GALNT9: variants seen among roughly 807,000 people sequenced by gnomAD.
GALNT9 encodes the protein GalNAc transferase 9.
In GALNT9, 47 loss-of-function variants were observed where a neutral mutation model predicts 63.1. The ratio of observed to expected loss-of-function variants is 0.75; its 90% CI spans 0.59 to 0.95. GALNT9 has a LOEUF of 0.95. Among genes scored for constraint, GALNT9 ranks in the 40% least tolerant of loss-of-function variants. GALNT9 has a pLI of 0.00. For synonymous variants in GALNT9, 396 were observed against 365.7 expected (o/e 1.08, Z -0.94); for missense variants, 829 against 874.8 (o/e 0.95, Z 0.66).
At chr12:132,271,591 C>T (rs760333782) in intron 2 of GALNT9, among the ~76,000 whole-genome samples, 39 of 152,280 alleles carry the variant, frequency 2.6e-4, no homozygotes, top group East Asian at 3.9e-4. Context: ...GGTCTGCCCA[C>T]AAAACACTGG....
At position 132,265,626 on chromosome 12, in the gene GALNT9, C is replaced by T. The variant is rs1341168155; in HGVS notation, c.420-3001G>A. Among the ~76,000 whole-genome samples the T allele has an allele frequency of 6.6e-6, 1 of 152,176 alleles. No homozygotes were observed. The highest frequency in any genetic ancestry group is 1.9e-4 in the East Asian group (1 of 5,206). On this transcript the variant is annotated intron_variant, in intron 2 of 10. Coordinates refer to ENST00000328957, the MANE Select transcript of GALNT9 (RefSeq NM_001122636.2). This position sits in a 1 kb window ranked among gnomAD's most constrained non-coding sequence, Gnocchi z 5.3. The stretch of plus-strand genomic sequence containing the variant: ...GGTAAGCAGCCCCACAGGACACCAG[C>T]CGACAGCCGGATGCTTACAAGTTCC...
Position 132,210,914 on chromosome 12 carries a change from T to A in GALNT9, c.1078-7224A>T, listed in dbSNP as rs138520193. Among the ~76,000 whole-genome samples the A allele has an allele frequency of 1.9e-3, 295 of 151,660 alleles. 1 individual carries two copies. The highest frequency in any genetic ancestry group is 6.5e-3 in the African/African-American group (270 of 41,296). On this transcript the variant is annotated intron_variant, in intron 6 of 10. Transcript: ENST00000328957. ...TCGCTGTCTGGAGGTCGCTGTCTGG[T>A]GGTCGGCTGCCGGCCTGACTCACAA... is the stretch of plus-strand genomic sequence containing the variant.
chr12:132,267,869 T>C (rs971257717), intron 2 of GALNT9, among the ~76,000 whole-genome samples: 39 of 117,956 alleles, frequency 3.3e-4, no homozygotes, highest in African/African-American at 1.3e-3. Flanking sequence ...CACACACGCA[T>C]ACAACCCACA....
In GALNT9 at chr12:132,286,414, G is replaced by T. The variant is rs1266294536; in HGVS notation, c.255C>A (p.Ile85=). The change falls in exon 2 of 11, where the codon ATC becomes ATA. Residue 85 remains isoleucine (I), a synonymous_variant. Transcript: ENST00000328957. This position sits in a 1 kb window ranked among gnomAD's most constrained non-coding sequence, Gnocchi z 7.4. ...GGCCTCCTGGCCCCTCCACCAGGCCGATGGGCTTGGCAAGGCCTGGGGGAA... is the reference window on the plus strand; with the variant it reads ...GGCCTCCTGGCCCCTCCACCAGGCCTATGGGCTTGGCAAGGCCTGGGGGAA... ...YNQLNGLAKP[I]GLVEGPGGLG... 6.5e-7 allele frequency: 1 copy of T among 1,550,082 alleles called. No homozygotes were observed. Among genetic ancestry groups the T allele is most frequent in the Non-Finnish European group, 8.7e-7 (1 of 1,146,614 alleles).
intron 3 of GALNT9, among the ~76,000 whole-genome samples, chr12:132,261,846 G>T (rs575759542): frequency 2.6e-5 from 4 of 152,244 alleles, no homozygotes; most frequent in African/African-American, 4.8e-5. Flanking sequence ...CTTGTTTGGG[G>T]TTTCAAGCCT....
At chr12:132,303,486 GAATCGCCCAGACACAC>G (rs1265690907) in intron 1 of GALNT9, among the ~76,000 whole-genome samples, 8 of 18,052 alleles carry the variant, frequency 4.4e-4, no homozygotes, top group African/African-American at 6.2e-4. Flanking sequence ...CCCGGGCACA[GAATCGCCCAGACACAC>G]CCTCGCCTGG....
rs532584397 is a variant in GALNT9 at position 132,269,369 on chromosome 12, G to A, written c.420-6744C>T. Among the ~76,000 whole-genome samples, 222 of 152,356 alleles carry A rather than the reference G, an allele frequency of 1.5e-3. 1 individual carries two copies. The highest frequency in any genetic ancestry group is 5.1e-3 in the African/African-American group (213 of 41,590). The stretch of plus-strand genomic sequence containing the variant: ...AGAGCCAGTGGCTGCGAGCTTTTCC[G>A]AGGAGCGGGACCGCCAGGCGGAGCA... On this transcript the variant is annotated intron_variant, in intron 2 of 10. Coordinates refer to ENST00000328957, the MANE Select transcript of GALNT9 (RefSeq NM_001122636.2).
chr12:132,199,590 C>T (rs753244418), intron 8 of GALNT9, among the ~76,000 whole-genome samples: 4 of 152,108 alleles, frequency 2.6e-5, no homozygotes, highest in African/African-American at 7.2e-5. Flanking sequence ...TGTGCCCTTG[C>T]GGCTCCCACT....
At chr12:132,325,708 G>T (rs35736084) in intron 1 of GALNT9, among the ~76,000 whole-genome samples, 1 of 152,126 alleles carries the variant, frequency 6.6e-6, no homozygotes, top group Non-Finnish European at 1.5e-5. Context: ...CTCAGGCCCA[G>T]ACCTCTCAGA....
intron 1 of GALNT9, among the ~76,000 whole-genome samples, chr12:132,322,499 C>G (rs545600466): frequency 2.0e-4 from 30 of 152,380 alleles, no homozygotes; most frequent in Admixed American, 2.6e-4. Context: ...AAGCACCCAG[C>G]ATCCCCGTCC....
chr12:132,278,471 A>T (rs751842934), intron 2 of GALNT9: 7 of 152,180 alleles, frequency 4.6e-5, no homozygotes, highest in South Asian at 4.1e-4. Flanking sequence ...GCCGGTGCTG[A>T]CACGGCCAGA....
rs1593464061 is a variant in GALNT9, at chr12:132,202,763, G to A, written c.1263+742C>T. Among the ~76,000 whole-genome samples the A allele has an allele frequency of 2.0e-5, 3 of 152,172 alleles. No individual in the cohort carries two copies. In the South Asian group the frequency reaches 6.2e-4, roughly 31 times the overall value. ...GAAGGGGGTGGTTCCAGAGACGCTG[G>A]GGTGTGGCGGGATGGGTCGCGGCCA... On this transcript the variant is annotated intron_variant, in intron 7 of 10. Coordinates refer to ENST00000328957, the MANE Select transcript of GALNT9 (RefSeq NM_001122636.2).
At chr12:132,257,137 C>T (rs1375021349) in intron 5 of GALNT9, among the ~76,000 whole-genome samples, 1 of 152,214 alleles carries the variant, frequency 6.6e-6, no homozygotes. Context: ...GTGGGAGGTG[C>T]CTCCCATTGG....
intron 8 of GALNT9, chr12:132,200,905 C>A: frequency 3.6e-6 from 2 of 561,102 alleles, no homozygotes; most frequent in South Asian, 2.1e-5. Context: ...TGAACCTGCA[C>A]CTTGTGTGTG....
chr12:132,308,901 C>T (rs146214282), intron 1 of GALNT9, among the ~76,000 whole-genome samples: 1,802 of 151,526 alleles, frequency 0.012, 33 homozygotes, highest in African/African-American at 0.039. Context: ...TCACGCCTCA[C>T]CCACGGGGCT....
intron 2 of GALNT9, among the ~76,000 whole-genome samples, chr12:132,267,287 C>T (rs58480646): frequency 0.44 from 67,386 of 151,718 alleles, 16,077 homozygotes; most frequent in South Asian, 0.54. Context: ...ATGGGGTGGG[C>T]TCCAAAGCAG....
In GALNT9 at chr12:132,327,860, G is replaced by C. The variant is rs1869104915; in HGVS notation, c.238+1106C>G. 6.6e-6 allele frequency among the ~76,000 whole-genome samples: 1 copy of C among 151,370 alleles called. No homozygotes were observed. Among genetic ancestry groups the C allele is most frequent in the Non-Finnish European group, 1.5e-5 (1 of 67,794 alleles). The stretch of plus-strand genomic sequence containing the variant: ...CAGCCCACCCTCAAGAGAGGGTGTG[G>C]CTCCTGAAGGAAACGCAAGACCACC... On this transcript the variant is annotated intron_variant, in intron 1 of 10. Coordinates refer to ENST00000328957, the MANE Select transcript of GALNT9 (RefSeq NM_001122636.2). The surrounding 1 kb of genome is among the most constrained non-coding windows in gnomAD (Gnocchi z 4.3).
chr12:132,309,018 C>T (rs1881720417), intron 1 of GALNT9, among the ~76,000 whole-genome samples: 1 of 152,216 alleles, frequency 6.6e-6, no homozygotes, highest in Non-Finnish European at 1.5e-5. Flanking sequence ...CCCTCTGCCC[C>T]CAACCAGGGA....
chr12:132,222,953 TCACACCCCACACAACCCGCACCCCACAC>T (rs1877520238), intron 6 of GALNT9, among the ~76,000 whole-genome samples: 1 of 51,656 alleles, frequency 1.9e-5, no homozygotes, highest in African/African-American at 1.2e-4. Flanking sequence ...ACCACACAAC[TCACACCCCACACAACCCGCACCCCACAC>T]AACCCACACC....
Sources: allele counts gnomAD v4.1 joint callset (sites outside exome capture counted in the v4.1 genomes callset), GRCh38; gene constraint gnomAD v4.1.1; non-coding constraint Gnocchi (gnomAD v3.1); transcripts MANE v1.5; gene names NCBI Gene and HGNC (gene_info 2026-07-23, HGNC 2026-07-21).